Variants in SVEP1 observed in about 807,000 individuals in gnomAD.
SVEP1 encodes sushi, von Willebrand factor type A, EGF and pentraxin domain-containing protein 1.
Under a neutral mutation model 367.3 loss-of-function variants are expected in SVEP1, and 164 were observed. The ratio of observed to expected loss-of-function variants is 0.45; its 90% CI spans 0.39 to 0.51. SVEP1 has a LOEUF of 0.51. SVEP1 is among the 20% of genes least tolerant of loss of function. SVEP1 has a pLI of 0.00. For synonymous variants in SVEP1, 1,666 were observed against 1,611.6 expected (o/e 1.03, Z -0.81); for missense variants, 4,117 against 4,425.3 (o/e 0.93, Z 1.98).
At chr9:110,458,828 A>C (rs1485449368) in intron 19 of SVEP1, 124 bp downstream of exon 19, 3 of 1,231,906 alleles carry the variant, frequency 2.4e-6, no homozygotes, top group African/African-American at 3.0e-5. Flanking sequence ...TCAGAAGGAC[A>C]ATTTAACAAC....
At position 110,434,425 on chromosome 9, in the gene SVEP1, A is replaced by G; in HGVS notation, c.4970T>C (p.Phe1657Ser). The part of the protein sequence containing the change: ...DLKPGSKVNL[F>S]CDPGFQLVGN... Reference sequence around the variant, plus strand: ...GACCAGCTGGAAGCCTGGATCACAGAACAGATTGACTTTGGAACCTGGCTT... The same window carrying G: ...GACCAGCTGGAAGCCTGGATCACAGGACAGATTGACTTTGGAACCTGGCTT... The change falls in exon 30 of 48, where the codon TTC becomes TCC. Residue 1657 changes from phenylalanine to serine, a missense_variant. Phe to Ser is a radical substitution (Grantham distance 155). Transcript: ENST00000374469. 3.7e-6 allele frequency: 6 copies of G among 1,613,604 alleles called. No homozygotes were observed. Among genetic ancestry groups the G allele is most frequent in the Non-Finnish European group, 5.1e-6 (6 of 1,179,750 alleles).
At chr9:110,473,518 T>C (rs1339654410) in intron 14 of SVEP1, among the ~76,000 whole-genome samples, 1 of 152,204 alleles carries the variant, frequency 6.6e-6, no homozygotes, top group Non-Finnish European at 1.5e-5. Context: ...GATTATGCTA[T>C]GTATGTATTA....
chr9:110,486,357 C>G (rs945514960), intron 9 of SVEP1, among the ~76,000 whole-genome samples: 1 of 152,114 alleles, frequency 6.6e-6, no homozygotes, highest in African/African-American at 2.4e-5. Context: ...GAATTGGAGG[C>G]GACAGCAGAT....
rs749172396 is a variant in SVEP1, at chr9:110,407,618, C to A, written c.7982G>T (p.Trp2661Leu). ...AGCAGGAGACTCCTTTGTATTTTCC[C>A]AGGTTTTAGCCACTGCTCCCAAATG... ...PYHLGAVAKT[W>L]ENTKESPATH... Residue 2661 changes from tryptophan to leucine, a missense_variant, in exon 38 of 48, where the codon TGG becomes TTG. By Grantham distance (61) the Trp-to-Leu change is moderately conservative (BLOSUM62 -2). Around this residue, in one of 4 missense-constraint regions of SVEP1, gnomAD observed 1,765 missense variants for 1,781.1 expected, o/e 0.99. Coordinates refer to ENST00000374469, the MANE Select transcript of SVEP1 (RefSeq NM_153366.4). 3.1e-6 allele frequency: 5 copies of A among 1,613,812 alleles called. No individual in the cohort carries two copies. Among genetic ancestry groups the A allele is most frequent in the East Asian group, 4.5e-5 (2 of 44,896 alleles).
chr9:110,458,598 A>T, intron 19 of SVEP1, 36 bp from the exon 20 acceptor site: 1 of 1,563,878 alleles, frequency 6.4e-7, no homozygotes. Flanking sequence ...CAGTGTGGCA[A>T]ATATGCCAGT....
At chr9:110,486,486 C>T (rs62569941) in intron 9 of SVEP1, among the ~76,000 whole-genome samples, 18,289 of 152,140 alleles carry the variant, frequency 0.12, 1,518 homozygotes, top group South Asian at 0.23. Flanking sequence ...GACACCAACA[C>T]CCTGAAGAAA....
At chr9:110,405,596 T>G (rs1286104330) in intron 38 of SVEP1, among the ~76,000 whole-genome samples, 1 of 152,008 alleles carries the variant, frequency 6.6e-6, no homozygotes, top group Non-Finnish European at 1.5e-5. Flanking sequence ...ATAATTCATA[T>G]GTATTATGAA....
intron 5 of SVEP1, among the ~76,000 whole-genome samples, chr9:110,512,233 C>G (rs542495890): frequency 5.9e-5 from 9 of 152,232 alleles, no homozygotes; most frequent in East Asian, 1.9e-4. Context: ...TGCTCGCCCC[C>G]CTTTTACCTT....
intron 12 of SVEP1, 96 bp downstream of exon 12, chr9:110,481,146 T>C (rs1311759159): frequency 1.1e-6 from 1 of 924,524 alleles, no homozygotes; most frequent in Non-Finnish European, 1.5e-6. Flanking sequence ...CCATTTTCCA[T>C]TAATTCCTAT....
chr9:110,514,031 T>C lies in SVEP1; in HGVS notation c.1040A>G (p.Asn347Ser). 6.2e-7 allele frequency: 1 copy of C among 1,612,244 alleles called. No homozygotes were observed. The highest frequency in any genetic ancestry group is 8.5e-7 in the Non-Finnish European group (1 of 1,179,194). Residue 347 changes from asparagine (N) to serine (S), a missense_variant, in exon 4 of 48, where the codon AAT becomes AGT. This residue lies in a region of SVEP1 where 2,174 missense variants were observed against 2,494.3 expected (regional missense o/e 0.87). Transcript: ENST00000374469. ...TGTGCTTCCAGGTGGAGAGGTGTGA[T>C]TTTCATCAGGACATGGAATGCAACT... The part of the protein sequence containing the change: ...ISSCIPCPDE[N>S]HTSPPGSTSP...
At position 110,496,821 on chromosome 9, in the gene SVEP1, A is replaced by C. The variant is rs769601250; in HGVS notation, c.1794T>G (p.Gly598=). The change falls in exon 8 of 48, where the codon GGT becomes GGG. Residue 598 remains glycine, a synonymous_variant. Transcript: ENST00000374469. ...ATAATTGCACAAACCTTACCTTTTC[A>C]CCAGAGTTGTCTTTAGCTGTTGGAA... ...WQIPTAKDNS[G]EKVSVHVHPA... is the part of the protein sequence containing the mutation. 3.2e-6 allele frequency: 5 copies of C among 1,553,690 alleles called. No individual in the cohort carries two copies. Among genetic ancestry groups the C allele is most frequent in the Non-Finnish European group, 4.4e-6 (5 of 1,147,170 alleles).
intron 46 of SVEP1, among the ~76,000 whole-genome samples, chr9:110,373,958 T>C (rs1351128705): frequency 1.3e-5 from 2 of 152,250 alleles, no homozygotes; most frequent in Non-Finnish European, 1.5e-5. Flanking sequence ...ATCTCTTTGA[T>C]GAGTTTTGTA....
At chr9:110,546,928 A>G (rs1297102898) in intron 2 of SVEP1, among the ~76,000 whole-genome samples, 4 of 152,218 alleles carry the variant, frequency 2.6e-5, no homozygotes, top group Non-Finnish European at 4.4e-5. Flanking sequence ...ATTGACCCAG[A>G]ATGGATGGCC....
chr9:110,470,712 A>G (rs1450798171), intron 16 of SVEP1, among the ~76,000 whole-genome samples: 1 of 151,584 alleles, frequency 6.6e-6, no homozygotes, highest in Non-Finnish European at 1.5e-5. Context: ...CTGGGATTAC[A>G]GGCATGAGCT....
At chr9:110,578,400 T>C (rs13290664) in intron 1 of SVEP1, among the ~76,000 whole-genome samples, 29,744 of 151,754 alleles carry the variant, frequency 0.2, 3,036 homozygotes, top group East Asian at 0.28. Flanking sequence ...TTTGTTTAAT[T>C]CAGTCCACAA....
intron 3 of SVEP1, among the ~76,000 whole-genome samples, chr9:110,539,333 C>G (rs1339315574): frequency 6.6e-6 from 1 of 152,124 alleles, no homozygotes; most frequent in African/African-American, 2.4e-5. Context: ...TTAGTTCGAG[C>G]TTTCAGCTCA....
At chr9:110,439,298 C>T (rs1248534392) in intron 27 of SVEP1, among the ~76,000 whole-genome samples, 1 of 152,212 alleles carries the variant, frequency 6.6e-6, no homozygotes, top group African/African-American at 2.4e-5. Flanking sequence ...TGTCTACAAG[C>T]CAGGAAGGGG....
intron 1 of SVEP1, among the ~76,000 whole-genome samples, chr9:110,557,162 A>C (rs368389400): frequency 3.9e-5 from 6 of 152,272 alleles, no homozygotes; most frequent in African/African-American, 1.2e-4. Context: ...TATTCTGTTC[A>C]TTGTTTTCTG....
chr9:110,471,274 C>T, intron 16 of SVEP1, 90 bp downstream of exon 16: 2 of 1,043,480 alleles, frequency 1.9e-6, no homozygotes, highest in Non-Finnish European at 2.8e-6. Context: ...TGTTTCATTT[C>T]AATATCCCTT....
Sources: gnomAD v4.1 joint callset for allele counts (sites outside exome capture counted in the v4.1 genomes callset) on GRCh38, gnomAD v4.1.1 for gene constraint, gnomAD v4.1.1 regional missense constraint, MANE v1.5 for transcripts, NCBI Gene and HGNC (gene_info 2026-07-23, HGNC 2026-07-21) for gene names.